Variants in SPAG17 observed in about 807,000 individuals in gnomAD.
The protein encoded by SPAG17 is sperm associated antigen 17.
SPAG17 carries 169 observed loss-of-function variants against 273.6 expected under a neutral mutation model. The ratio of observed to expected loss-of-function variants is 0.62; its 90% CI spans 0.55 to 0.70. The LOEUF (loss-of-function observed/expected upper bound fraction) is 0.70, where lower values mean the gene tolerates loss of function less well. SPAG17 is among the 30% of genes least tolerant of loss of function. The pLI is 0.00. For missense variants in SPAG17, 2,557 were observed against 2,627.8 expected (o/e 0.97, Z 0.59); for synonymous variants, 825 against 873.2 (o/e 0.94, Z 0.97).
At position 117,973,121 on chromosome 1, in the gene SPAG17, A is replaced by G. The variant is rs77788516; in HGVS notation, c.6141+304T>C. ...ATTTTGTGGTGCTAGTACTCCCAGC[A>G]TGGCTGATTTCAAGCTATCAGTGGT... On this transcript the variant is annotated intron_variant, in intron 44 of 48. Transcript: ENST00000336338. 5.7e-3 allele frequency among the ~76,000 whole-genome samples: 863 copies of G among 152,308 alleles called. 7 individuals are homozygous for G. Among genetic ancestry groups the G allele is most frequent in the East Asian group, 0.033 (172 of 5,174 alleles).
intron 1 of SPAG17, among the ~76,000 whole-genome samples, chr1:118,165,880 T>C (rs1380173577): frequency 6.6e-6 from 1 of 152,104 alleles, no homozygotes; most frequent in Non-Finnish European, 1.5e-5. Flanking sequence ...CCTGACCTCC[T>C]GATCCACCCG....
intron 1 of SPAG17, among the ~76,000 whole-genome samples, chr1:118,157,117 C>G (rs1659690528): frequency 6.6e-6 from 1 of 152,122 alleles, no homozygotes. Context: ...AAGGAGATGA[C>G]AAACACTACA....
intron 48 of SPAG17, chr1:117,954,603 C>T: frequency 6.2e-7 from 1 of 1,612,590 alleles, no homozygotes; most frequent in East Asian, 2.2e-5. Context: ...GCAACCCCAT[C>T]CTAATGGCTT....
At chr1:117,996,809 T>C (rs2101681418) in intron 32 of SPAG17, 66 bp from the exon 33 acceptor site, 5 of 1,463,152 alleles carry the variant, frequency 3.4e-6, no homozygotes, top group East Asian at 2.3e-5. Context: ...TTCTGCTGAT[T>C]CAATTTGAGA....
intron 48 of SPAG17, among the ~76,000 whole-genome samples, chr1:117,955,817 G>A (rs1652120434): frequency 6.7e-6 from 1 of 149,806 alleles, no homozygotes; most frequent in Non-Finnish European, 1.5e-5. Context: ...ATAATTACTC[G>A]ATATTGCATT....
intron 6 of SPAG17, 90 bp from the exon 7 acceptor site, chr1:118,097,941 G>C: frequency 1.2e-6 from 1 of 837,442 alleles, no homozygotes; most frequent in African/African-American, 1.7e-5. Context: ...TGCATTGCAA[G>C]ATATCTGTAC....
At chr1:118,176,657 C>T (rs555100091) in intron 1 of SPAG17, among the ~76,000 whole-genome samples, 1 of 152,088 alleles carries the variant, frequency 6.6e-6, no homozygotes, top group Non-Finnish European at 1.5e-5. Flanking sequence ...ACCAAAAAAT[C>T]ACCAAAAAAA....
intron 27 of SPAG17, among the ~76,000 whole-genome samples, chr1:118,024,352 C>T (rs1273509749): frequency 6.6e-6 from 1 of 152,034 alleles, no homozygotes; most frequent in Non-Finnish European, 1.5e-5. Flanking sequence ...TCTAAGAACT[C>T]TTGATATTTT....
chr1:118,154,374 T>C (rs1305156616), intron 1 of SPAG17, among the ~76,000 whole-genome samples: 1 of 152,004 alleles, frequency 6.6e-6, no homozygotes, highest in East Asian at 1.9e-4. Flanking sequence ...TAACACAAAC[T>C]GAGAATGCCT....
intron 18 of SPAG17, among the ~76,000 whole-genome samples, chr1:118,062,922 A>G (rs1376204249): frequency 6.6e-6 from 1 of 152,208 alleles, no homozygotes; most frequent in African/African-American, 2.4e-5. Flanking sequence ...ATATCTTTAA[A>G]CTATAAACTG....
At chr1:117,968,747 G>A (rs754605779) in intron 46 of SPAG17, among the ~76,000 whole-genome samples, 5 of 152,178 alleles carry the variant, frequency 3.3e-5, no homozygotes, top group Non-Finnish European at 7.4e-5. Flanking sequence ...TGCTTTAAGA[G>A]CTTCAGACTC....
intron 3 of SPAG17, among the ~76,000 whole-genome samples, chr1:118,127,461 T>G (rs1657801482): frequency 6.6e-6 from 1 of 152,130 alleles, no homozygotes; most frequent in Non-Finnish European, 1.5e-5. Context: ...CCACCCGATC[T>G]CATGTGAACT....
At chr1:118,150,724 G>A in intron 2 of SPAG17, 95 bp from the exon 3 acceptor site, 3 of 668,176 alleles carry the variant, frequency 4.5e-6, no homozygotes, top group South Asian at 2.2e-5. Flanking sequence ...GATCTGAAGG[G>A]TTGGGGAACC....
intron 34 of SPAG17, 150 bp downstream of exon 34, chr1:117,996,220 T>C: frequency 1.2e-6 from 1 of 828,462 alleles, no homozygotes; most frequent in Non-Finnish European, 1.9e-6. Context: ...GACTTATTCA[T>C]GTCAACTTAT....
intron 28 of SPAG17, among the ~76,000 whole-genome samples, chr1:118,022,014 CTGT>C (rs1443616281): frequency 6.6e-6 from 1 of 151,986 alleles, no homozygotes; most frequent in Admixed American, 6.6e-5. Flanking sequence ...TTTCTGGGTA[CTGT>C]GGTGAGATGT....
At chr1:118,181,864 C>T (rs1188523687) in intron 1 of SPAG17, among the ~76,000 whole-genome samples, 1 of 152,120 alleles carries the variant, frequency 6.6e-6, no homozygotes, top group African/African-American at 2.4e-5. Flanking sequence ...TCCTGCAATC[C>T]TAGCACTTTG....
intron 1 of SPAG17, among the ~76,000 whole-genome samples, chr1:118,159,378 T>G (rs1659801752): frequency 6.6e-6 from 1 of 152,182 alleles, no homozygotes; most frequent in African/African-American, 2.4e-5. Context: ...CTCTGTGGTT[T>G]CTTAGCCAAA....
chr1:117,979,390 C>A (rs1389828708), intron 43 of SPAG17, among the ~76,000 whole-genome samples: 2 of 152,192 alleles, frequency 1.3e-5, no homozygotes, highest in Non-Finnish European at 2.9e-5. Context: ...TCCTCTTGAG[C>A]AGCAAATTCT....
chr1:118,097,239 A>C (rs578198161), intron 7 of SPAG17, among the ~76,000 whole-genome samples: 1 of 151,002 alleles, frequency 6.6e-6, no homozygotes, highest in South Asian at 2.1e-4. Flanking sequence ...AAAAAAAAAA[A>C]AGGGGGGAAT....
Sources: gnomAD v4.1 joint callset for allele counts (sites outside exome capture counted in the v4.1 genomes callset) on GRCh38, gnomAD v4.1.1 for gene constraint, MANE v1.5 for transcripts, NCBI Gene and HGNC (gene_info 2026-07-23, HGNC 2026-07-21) for gene names.